The following PPP2R2B variants were observed in gnomAD, a reference collection of about 807,000 sequenced individuals.
PPP2R2B encodes the protein serine/threonine-protein phosphatase 2A 55 kDa regulatory subunit B beta isoform.
PPP2R2B carries 5 observed loss-of-function variants against 46.0 expected under a neutral mutation model. The ratio of observed to expected loss-of-function variants is 0.11; its 90% confidence interval spans 0.06 to 0.23. The LOEUF is 0.23. Ranked by LOEUF, PPP2R2B falls within the 10% of genes least tolerant of loss-of-function variation. The pLI, the probability that PPP2R2B is intolerant of heterozygous loss-of-function variation, is 1.00. For synonymous variants in PPP2R2B, 215 were observed against 206.7 expected (o/e 1.04, Z -0.34); for missense variants, 367 against 575.0 (o/e 0.64, Z 3.70).
intron 2 of PPP2R2B, among the ~76,000 whole-genome samples, chr5:146,801,992 T>C (rs1215363168): frequency 6.6e-6 from 1 of 152,210 alleles, no homozygotes; most frequent in Non-Finnish European, 1.5e-5. Context: ...TCTGTTTTTA[T>C]TGTGAACAGA....
At position 146,986,571 on chromosome 5, in the gene PPP2R2B, T is replaced by C. The variant is rs192440163; in HGVS notation, c.79+69094A>G. ...GAGAAATTTATCAAAGATATTGAAG[T>C]ATTAATAAAAAAACAGAAATCCTGG... On this transcript the variant is annotated intron_variant, in intron 1 of 8. Transcript: ENST00000336640. Among the ~76,000 whole-genome samples, 28 of 152,182 alleles carry C rather than the reference T, an allele frequency of 1.8e-4. No individual in the cohort carries two copies. The East Asian group carries it at 5.2e-3, about 28-fold the overall frequency.
intron 1 of PPP2R2B, among the ~76,000 whole-genome samples, chr5:147,032,508 C>CCT (rs1337069995): frequency 6.6e-6 from 1 of 151,910 alleles, no homozygotes; most frequent in Non-Finnish European, 1.5e-5. Context: ...CTCTCACCCC[C>CCT]CTCTCCCTCT....
At chr5:147,070,705 C>G (rs1237110438) in intron 2 of PPP2R2B, among the ~76,000 whole-genome samples, 1 of 152,182 alleles carries the variant, frequency 6.6e-6, no homozygotes, top group African/African-American at 2.4e-5. Context: ...TAAGCCTTAT[C>G]TGTCTTTTTT....
chr5:146,910,001 TA>T (rs1359155768), intron 1 of PPP2R2B, among the ~76,000 whole-genome samples: 1 of 152,194 alleles, frequency 6.6e-6, no homozygotes, highest in African/African-American at 2.4e-5. Flanking sequence ...TTAAAATTAA[TA>T]GGAAAAACCT....
intron 2 of PPP2R2B, among the ~76,000 whole-genome samples, chr5:146,752,434 T>G (rs982909973): frequency 6.6e-5 from 10 of 152,204 alleles, no homozygotes; most frequent in African/African-American, 2.4e-4. Flanking sequence ...ATTTTATTTC[T>G]CAGAACTTAA....
intron 2 of PPP2R2B, among the ~76,000 whole-genome samples, chr5:146,781,163 T>TATATATATATATAC (rs1755498349): frequency 9.5e-6 from 1 of 105,356 alleles, no homozygotes; most frequent in Non-Finnish European, 2.0e-5. Flanking sequence ...TATATATATA[T>TATATATATATATAC]ATATATATAT....
chr5:146,918,153 T>C (rs1763460923), intron 1 of PPP2R2B, among the ~76,000 whole-genome samples: 1 of 152,214 alleles, frequency 6.6e-6, no homozygotes, highest in South Asian at 2.1e-4. Context: ...GAAAGAATTA[T>C]GACTTCACTG....
chr5:146,666,000 C>T (rs945902389), intron 5 of PPP2R2B, among the ~76,000 whole-genome samples: 16 of 152,060 alleles, frequency 1.1e-4, no homozygotes, highest in Non-Finnish European at 1.3e-4. Flanking sequence ...CACAATAAAG[C>T]GAAATGTAAT....
intron 4 of PPP2R2B, among the ~76,000 whole-genome samples, chr5:146,697,253 CTTTATGCCAAGTTGTTTT>C (rs1223021759): frequency 6.6e-6 from 1 of 152,162 alleles, no homozygotes; most frequent in Non-Finnish European, 1.5e-5. Flanking sequence ...TAACATGTGA[CTTTATGCCAAGTTGTTTT>C]GAGCTTAGAT....
In PPP2R2B at chr5:147,069,259, C is replaced by T. The variant is rs138212267; in HGVS notation, c.50+11800G>A. On this transcript the variant is annotated intron_variant, in intron 2 of 10. Transcript: ENST00000394413. ...GAGAGGTGAGGTATGAAGAGCTCTA[C>T]GTCAGAAGCGAAAACAAAACAAAAA... is the stretch of plus-strand genomic sequence containing the variant. 1.3e-4 allele frequency among the ~76,000 whole-genome samples: 20 copies of T among 152,158 alleles called. No homozygotes were observed. In the East Asian group the frequency reaches 2.7e-3, roughly 21 times the overall value.
At chr5:146,947,118 C>A (rs1764509125) in intron 1 of PPP2R2B, among the ~76,000 whole-genome samples, 1 of 152,098 alleles carries the variant, frequency 6.6e-6, no homozygotes, top group South Asian at 2.1e-4. Context: ...GGGAAAAATT[C>A]CATAATATGA....
intron 1 of PPP2R2B, among the ~76,000 whole-genome samples, chr5:146,897,712 A>C (rs576506696): frequency 1.3e-5 from 2 of 152,336 alleles, no homozygotes; most frequent in South Asian, 2.1e-4. Flanking sequence ...ATAAATAAAT[A>C]AATCCTAATT....
intron 2 of PPP2R2B, among the ~76,000 whole-genome samples, chr5:146,810,165 G>A (rs1757438729): frequency 6.6e-6 from 1 of 152,168 alleles, no homozygotes; most frequent in African/African-American, 2.4e-5. Context: ...TACAGATTGT[G>A]TATTAGTTCG....
intron 2 of PPP2R2B, among the ~76,000 whole-genome samples, chr5:146,716,846 G>T (rs1354879684): frequency 6.6e-6 from 1 of 152,136 alleles, no homozygotes; most frequent in South Asian, 2.1e-4. Flanking sequence ...ATTGGATTAT[G>T]GTCTGAATGT....
intron 1 of PPP2R2B, among the ~76,000 whole-genome samples, chr5:146,937,814 T>C (rs916884662): frequency 1.1e-4 from 17 of 152,196 alleles, no homozygotes; most frequent in African/African-American, 3.4e-4. Flanking sequence ...GGCTTCTGTA[T>C]GTACAATGTT....
intron 2 of PPP2R2B, among the ~76,000 whole-genome samples, chr5:146,733,337 G>A (rs1457296623): frequency 1.3e-5 from 2 of 152,170 alleles, no homozygotes; most frequent in African/African-American, 4.8e-5. Context: ...AAATAGTTTT[G>A]CAAGATATAA....
intron 2 of PPP2R2B, among the ~76,000 whole-genome samples, chr5:146,812,979 A>T (rs1010889494): frequency 6.7e-6 from 1 of 149,506 alleles, no homozygotes; most frequent in Non-Finnish European, 1.5e-5. Context: ...ACAATTCAAG[A>T]TGAGATTTGG....
chr5:146,667,332 GCACACACACACA>G (rs144297178), intron 5 of PPP2R2B, among the ~76,000 whole-genome samples: 1 of 32,012 alleles, frequency 3.1e-5, no homozygotes, highest in African/African-American at 9.3e-5. Context: ...GCGTGCGCGC[GCACACACACACA>G]CACACACACA....
At chr5:146,952,876 C>T (rs1039944114) in intron 1 of PPP2R2B, among the ~76,000 whole-genome samples, 2 of 152,076 alleles carry the variant, frequency 1.3e-5, no homozygotes, top group African/African-American at 4.8e-5. Flanking sequence ...GATGGTTATC[C>T]ACTTCAGACA....
Sources: gnomAD v4.1 joint callset for allele counts (sites outside exome capture counted in the v4.1 genomes callset) on GRCh38, gnomAD v4.1.1 for gene constraint, MANE v1.5 for transcripts, NCBI Gene and HGNC (gene_info 2026-07-23, HGNC 2026-07-21) for gene names.